The following STAU2 variants were observed in gnomAD, a reference collection of about 807,000 sequenced individuals.
STAU2 encodes the protein staufen double-stranded RNA binding protein 2.
Under a neutral mutation model 65.9 loss-of-function variants are expected in STAU2, and 20 were observed. The ratio of observed to expected loss-of-function variants is 0.30; its 90% CI spans 0.21 to 0.44. The LOEUF is 0.44. Ranked by LOEUF, STAU2 falls within the 20% of genes least tolerant of loss-of-function variation. The pLI, the probability that STAU2 is intolerant of heterozygous loss-of-function variation, is 1.00. For synonymous variants in STAU2, 232 were observed against 233.9 expected (o/e 0.99, Z 0.07); for missense variants, 558 against 683.9 (o/e 0.82, Z 2.05).
At chr8:73,540,244 G>A (rs1806457985) in intron 13 of STAU2, among the ~76,000 whole-genome samples, 1 of 152,150 alleles carries the variant, frequency 6.6e-6, no homozygotes, top group Non-Finnish European at 1.5e-5. Flanking sequence ...CCTTATAAGA[G>A]ACAGCAAAGA....
At chr8:73,698,811 T>G (rs147759749) in intron 4 of STAU2, among the ~76,000 whole-genome samples, 1 of 151,142 alleles carries the variant, frequency 6.6e-6, no homozygotes, top group African/African-American at 2.4e-5. Flanking sequence ...ATGGATCTAG[T>G]AGATATTTAC....
rs552262545 is a variant in STAU2, at chr8:73,427,140, C to G, written c.1531-4438G>C. The stretch of plus-strand genomic sequence containing the variant: ...ATGGGGTTTCTCCATGTTGGTCAGG[C>G]TGGTCTCGAACTCCCGACCTCAGGT... On this transcript the variant is annotated intron_variant, in intron 13 of 14. Coordinates refer to ENST00000524300, the MANE Select transcript of STAU2 (RefSeq NM_001164380.2). Among the ~76,000 whole-genome samples, 17 of 152,112 alleles carry G rather than the reference C, an allele frequency of 1.1e-4. No homozygotes were observed. The South Asian group carries it at 3.5e-3, about 32-fold the overall frequency.
At position 73,435,584 on chromosome 8, in the gene STAU2, G is replaced by A. The variant is rs73318747; in HGVS notation, c.1531-12882C>T. Among the ~76,000 whole-genome samples, 1,101 of 151,882 alleles carry A rather than the reference G, an allele frequency of 7.2e-3. 48 individuals carry two copies. The highest frequency in any genetic ancestry group is 0.026 in the African/African-American group (1,060 of 41,244). On this transcript the variant is annotated intron_variant, in intron 13 of 14. Transcript: ENST00000524300. ...TGGGCTCTGCGGCCAAAATGCAAAG[G>A]GATAAAAAGTCCTAGGAAGCAGGAC...
chr8:73,560,075 A>AT lies in STAU2; in HGVS notation c.1223-7757dup, dbSNP rs35696339. 4.7e-3 allele frequency among the ~76,000 whole-genome samples: 396 copies of AT among 83,410 alleles called. 9 individuals are homozygous for AT. Among genetic ancestry groups the AT allele is most frequent in the East Asian group, 0.018 (61 of 3,480 alleles). The allele number at this position is 83,410 out of a possible 152,430, so 54.7% of individuals were successfully genotyped here. A position where few individuals can be genotyped will look rare whatever the true frequency, so the allele number is the denominator to read the frequency against. ...TAAAAAAAGAGTCATTACTGAACAG[A>AT]TTTTTTTTTTTTTTTTTTTTTTTGA... On this transcript the variant is annotated intron_variant, in intron 12 of 14. Coordinates refer to ENST00000524300, the MANE Select transcript of STAU2 (RefSeq NM_001164380.2).
At chr8:73,587,616 T>A (rs950605453) in intron 11 of STAU2, among the ~76,000 whole-genome samples, 1 of 152,238 alleles carries the variant, frequency 6.6e-6, no homozygotes. Context: ...GAAAAGTGTA[T>A]GTGTGGAGTA....
intron 13 of STAU2, among the ~76,000 whole-genome samples, chr8:73,514,246 C>CGTG (rs768189186): frequency 3.9e-5 from 6 of 152,078 alleles, no homozygotes; most frequent in Non-Finnish European, 7.4e-5. Context: ...AGAGTCACAC[C>CGTG]CATCAAGGTG....
intron 5 of STAU2, among the ~76,000 whole-genome samples, chr8:73,685,852 C>T (rs1307909634): frequency 1.3e-5 from 2 of 152,114 alleles, no homozygotes; most frequent in African/African-American, 4.8e-5. Flanking sequence ...CACTTGTATA[C>T]ACATGTTTAT....
chr8:73,430,603 A>T (rs191898953), intron 13 of STAU2, among the ~76,000 whole-genome samples: 97 of 152,364 alleles, frequency 6.4e-4, no homozygotes, highest in African/African-American at 2.2e-3. Flanking sequence ...TGAAGCTGGC[A>T]AGCAGAGTGA....
At chr8:73,697,575 G>A (rs998360433) in intron 4 of STAU2, 2 of 152,174 alleles carry the variant, frequency 1.3e-5, no homozygotes, top group Admixed American at 6.5e-5. Flanking sequence ...CTTAACTGAA[G>A]TAGAAAGACT....
chr8:73,619,963 T>TAA (rs1813105947), intron 6 of STAU2, among the ~76,000 whole-genome samples: 1 of 152,228 alleles, frequency 6.6e-6, no homozygotes, highest in South Asian at 2.1e-4. Flanking sequence ...TTTAAATGTT[T>TAA]TTATTATAAA....
chr8:73,701,284 T>G (rs2130603274), intron 4 of STAU2, among the ~76,000 whole-genome samples: 1 of 152,032 alleles, frequency 6.6e-6, no homozygotes, highest in Admixed American at 6.5e-5. Context: ...TGGGATCACA[T>G]CAAGTTAAAA....
intron 6 of STAU2, among the ~76,000 whole-genome samples, chr8:73,642,125 G>A (rs777942347): frequency 1.3e-5 from 2 of 152,126 alleles, no homozygotes; most frequent in Non-Finnish European, 2.9e-5. Context: ...TTTTGGTTTT[G>A]TTTCTATTTT....
intron 12 of STAU2, among the ~76,000 whole-genome samples, chr8:73,575,597 A>G (rs536447657): frequency 1.3e-5 from 2 of 152,314 alleles, no homozygotes; most frequent in African/African-American, 4.8e-5. Flanking sequence ...CATCTGTGAA[A>G]AATTGATTAA....
At chr8:73,543,098 A>G (rs974480624) in intron 13 of STAU2, among the ~76,000 whole-genome samples, 5 of 152,244 alleles carry the variant, frequency 3.3e-5, no homozygotes, top group Non-Finnish European at 5.9e-5. Context: ...AATTCTTAGC[A>G]ATAAAAACTA....
chr8:73,727,126 A>G (rs1377546656), intron 3 of STAU2, among the ~76,000 whole-genome samples: 4 of 152,134 alleles, frequency 2.6e-5, no homozygotes. Context: ...GCTACTGAGG[A>G]GGCTGAGGCA....
chr8:73,478,584 T>C (rs1488560639), intron 13 of STAU2, among the ~76,000 whole-genome samples: 1 of 152,198 alleles, frequency 6.6e-6, no homozygotes, highest in Non-Finnish European at 1.5e-5. Context: ...ACTTGATAGC[T>C]AGAGTTAGCA....
intron 6 of STAU2, among the ~76,000 whole-genome samples, chr8:73,637,524 A>AC (rs1814635280): frequency 6.7e-6 from 1 of 149,912 alleles, no homozygotes; most frequent in African/African-American, 2.4e-5. Flanking sequence ...AAAAAAGAAA[A>AC]ACTGTCAACT....
chr8:73,487,418 A>C (rs1820970789), intron 13 of STAU2, among the ~76,000 whole-genome samples: 1 of 152,062 alleles, frequency 6.6e-6, no homozygotes, highest in African/African-American at 2.4e-5. Flanking sequence ...GTGACTTGTG[A>C]ATTTTATGTA....
At chr8:73,583,922 C>A (rs1200696239) in intron 11 of STAU2, among the ~76,000 whole-genome samples, 2 of 152,074 alleles carry the variant, frequency 1.3e-5, no homozygotes, top group Non-Finnish European at 2.9e-5. Context: ...TTATGATGAT[C>A]AGCATTTTAT....
Sources: gnomAD v4.1 joint callset for allele counts (sites outside exome capture counted in the v4.1 genomes callset) on GRCh38, gnomAD v4.1.1 for gene constraint, MANE v1.5 for transcripts, NCBI Gene and HGNC (gene_info 2026-07-23, HGNC 2026-07-21) for gene names.